The following BCKDHB variants were observed in gnomAD, a reference collection of about 807,000 sequenced individuals.
BCKDHB encodes the protein branched chain keto acid dehydrogenase E1 subunit beta.
BCKDHB carries 41 observed loss-of-function variants against 48.5 expected under a neutral mutation model. That is an observed-to-expected ratio of 0.85 (90% CI 0.66 to 1.10). The LOEUF is 1.10. Ranked by LOEUF, BCKDHB falls within the 50% of genes least tolerant of loss-of-function variation. The pLI, the probability that BCKDHB is intolerant of heterozygous loss-of-function variation, is 0.00. For missense variants in BCKDHB, 496 were observed against 494.2 expected (o/e 1.00, Z -0.03); for synonymous variants, 201 against 174.8 (o/e 1.15, Z -1.18).
chr6:80,117,610 C>T (rs1337492465), intron 1 of BCKDHB, among the ~76,000 whole-genome samples: 1 of 152,226 alleles, frequency 6.6e-6, no homozygotes, highest in East Asian at 1.9e-4. Flanking sequence ...GGGCAAGGAA[C>T]ACCTGGCCCA....
the BCKDHB span, among the ~76,000 whole-genome samples, chr6:80,362,632 A>G: frequency 6.6e-6 from 1 of 152,216 alleles, no homozygotes; most frequent in African/African-American, 2.4e-5. Context: ...CCTGGCTGGA[A>G]GAGAAAGTCT....
At chr6:80,303,209 T>TGCCTTATATATATATATATATATA (rs1767675136) in intron 9 of BCKDHB, among the ~76,000 whole-genome samples, 1 of 152,154 alleles carries the variant, frequency 6.6e-6, no homozygotes, top group Non-Finnish European at 1.5e-5. Context: ...TATATATTTA[T>TGCCTTATATATATATATATATATA]TATGCCTTAA....
chr6:80,278,621 G>A (rs572573138), intron 9 of BCKDHB, among the ~76,000 whole-genome samples: 14 of 151,938 alleles, frequency 9.2e-5, no homozygotes, highest in Admixed American at 5.2e-4. Context: ...GTGCAGTGGC[G>A]CAATCTCAGC....
At chr6:80,204,797 A>C (rs988098956) in intron 8 of BCKDHB, among the ~76,000 whole-genome samples, 1 of 152,114 alleles carries the variant, frequency 6.6e-6, no homozygotes, top group African/African-American at 2.4e-5. Context: ...GGCAGAAAGA[A>C]GGGTGAAGTT....
At chr6:80,138,526 G>A (rs1047608224) in intron 3 of BCKDHB, among the ~76,000 whole-genome samples, 11 of 151,988 alleles carry the variant, frequency 7.2e-5, no homozygotes, top group Admixed American at 2.6e-4. Context: ...TCCCACCTAT[G>A]AGTGAGAATA....
chr6:80,251,330 G>A (rs888287747), intron 8 of BCKDHB, among the ~76,000 whole-genome samples: 4 of 152,174 alleles, frequency 2.6e-5, no homozygotes, highest in African/African-American at 9.7e-5. Context: ...TGCAAATGGA[G>A]CAAATTACTT....
At chr6:80,173,058 G>T (rs865782071) in intron 6 of BCKDHB, among the ~76,000 whole-genome samples, 28 of 152,106 alleles carry the variant, frequency 1.8e-4, no homozygotes, top group African/African-American at 6.5e-4. Flanking sequence ...AATCAGTAAA[G>T]AAATTTTGCA....
intron 1 of BCKDHB, among the ~76,000 whole-genome samples, chr6:80,116,690 T>C (rs1420245136): frequency 6.6e-6 from 1 of 152,242 alleles, no homozygotes. Flanking sequence ...ATCCTTGATA[T>C]AGAAGAAAGT....
chr6:80,296,859 T>A (rs1370393408), intron 9 of BCKDHB, among the ~76,000 whole-genome samples: 1 of 152,224 alleles, frequency 6.6e-6, no homozygotes, highest in Non-Finnish European at 1.5e-5. Flanking sequence ...AAACAATTAT[T>A]TAACCTTTTA....
the BCKDHB span, among the ~76,000 whole-genome samples, chr6:80,369,193 C>T: frequency 6.8e-6 from 1 of 147,034 alleles, no homozygotes; most frequent in South Asian, 2.2e-4. Context: ...GCTTCCCACT[C>T]TGGGTAGGCC....
At chr6:80,424,751 A>G in the BCKDHB span, among the ~76,000 whole-genome samples, 3 of 152,156 alleles carry the variant, frequency 2.0e-5, 1 homozygote, top group Non-Finnish European at 4.4e-5. Flanking sequence ...CAAATTGTGT[A>G]TTGGACTACA....
At chr6:80,158,303 T>C (rs1343110150) in intron 3 of BCKDHB, among the ~76,000 whole-genome samples, 1 of 152,208 alleles carries the variant, frequency 6.6e-6, no homozygotes, top group African/African-American at 2.4e-5. Context: ...TTTATCTTCT[T>C]TAATTTGTCT....
chr6:80,281,562 C>T (rs377181331), intron 9 of BCKDHB, among the ~76,000 whole-genome samples: 12 of 152,156 alleles, frequency 7.9e-5, no homozygotes, highest in African/African-American at 2.7e-4. Context: ...GTAGTGAAGA[C>T]TTGAACCGAT....
chr6:80,321,810 A>C (rs1768740540), intron 9 of BCKDHB, among the ~76,000 whole-genome samples: 1 of 152,168 alleles, frequency 6.6e-6, no homozygotes, highest in Admixed American at 6.5e-5. Context: ...TCTTTCCGTT[A>C]TTCTCTACTT....
chr6:80,244,060 A>G (rs182020418), intron 8 of BCKDHB, among the ~76,000 whole-genome samples: 1 of 152,356 alleles, frequency 6.6e-6, no homozygotes, highest in African/African-American at 2.4e-5. Flanking sequence ...GCTGATCTAT[A>G]ATCCTGAGTC....
chr6:80,114,245 A>G (rs1028934846), intron 1 of BCKDHB, among the ~76,000 whole-genome samples: 10 of 141,938 alleles, frequency 7.0e-5, no homozygotes, highest in Non-Finnish European at 1.4e-4. Context: ...GTAGTGCTAG[A>G]TTTTTTTTTT....
intron 8 of BCKDHB, among the ~76,000 whole-genome samples, chr6:80,234,929 A>C (rs1336595502): frequency 6.6e-6 from 1 of 152,212 alleles, no homozygotes; most frequent in Admixed American, 6.5e-5. Flanking sequence ...GAAGACAAAT[A>C]CATGTTCTCA....
At chr6:80,395,270 C>G in the BCKDHB span, among the ~76,000 whole-genome samples, 1 of 152,028 alleles carries the variant, frequency 6.6e-6, no homozygotes, top group East Asian at 1.9e-4. Flanking sequence ...TTTGGAGCTT[C>G]CTAAAGACTT....
At position 80,322,261 on chromosome 6, in the gene BCKDHB, C is replaced by T. The variant is rs1185030079; in HGVS notation, c.1039-21403C>T. 5.0e-4 allele frequency among the ~76,000 whole-genome samples: 48 copies of T among 96,502 alleles called. 2 individuals carry two copies. In the Admixed American group the frequency reaches 6.3e-3, roughly 13 times the overall value. The allele number at this position is 96,502 out of a possible 152,430, so 63.3% of individuals were successfully genotyped here. ...TTCTTTTTTTTTTTTTTTTTGGTGA[C>T]GGAGTCGCACTTTGTTGCCCAGGCT... On this transcript the variant is annotated intron_variant, in intron 9 of 9. Transcript: ENST00000320393.
Sources: gnomAD v4.1 joint callset for allele counts (sites outside exome capture counted in the v4.1 genomes callset) on GRCh38, gnomAD v4.1.1 for gene constraint, MANE v1.5 for transcripts, NCBI Gene and HGNC (gene_info 2026-07-23, HGNC 2026-07-21) for gene names.